The following EYA2 variants were observed in gnomAD, a reference collection of about 807,000 sequenced individuals.
The protein encoded by EYA2 is EYA transcriptional coactivator and phosphatase 2, also known as protein phosphatase EYA2.
Under a neutral mutation model 69.2 loss-of-function variants are expected in EYA2, and 31 were observed. The ratio of observed to expected loss-of-function variants is 0.45; its 90% CI spans 0.34 to 0.60. EYA2 has a LOEUF of 0.60. Ranked by LOEUF, EYA2 falls within the 20% of genes least tolerant of loss-of-function variation. EYA2 has a pLI of 0.02. For missense variants in EYA2, 622 were observed against 701.2 expected (o/e 0.89, Z 1.28); for synonymous variants, 257 against 279.4 (o/e 0.92, Z 0.80).
chr20:47,101,530 A>G (rs2032422883), intron 9 of EYA2, among the ~76,000 whole-genome samples: 1 of 152,244 alleles, frequency 6.6e-6, no homozygotes, highest in Admixed American at 6.5e-5. Context: ...TGTCATGGCC[A>G]GTTAAAATTT....
At chr20:47,126,596 T>G (rs1045416379) in intron 9 of EYA2, among the ~76,000 whole-genome samples, 10 of 152,168 alleles carry the variant, frequency 6.6e-5, no homozygotes, top group African/African-American at 2.2e-4. Context: ...TTCATTTAGT[T>G]CATCTCTTAG....
intron 15 of EYA2, among the ~76,000 whole-genome samples, chr20:47,184,644 A>G (rs181512432): frequency 6.6e-6 from 1 of 151,924 alleles, no homozygotes; most frequent in African/African-American, 2.4e-5. Context: ...GCTGGCCTCA[A>G]ACTCGTAAAC....
chr20:47,109,124 A>T (rs6063071), intron 9 of EYA2, among the ~76,000 whole-genome samples: 1 of 151,926 alleles, frequency 6.6e-6, no homozygotes, highest in Non-Finnish European at 1.5e-5. Flanking sequence ...CAAGCTGCAA[A>T]GATGCCCTGT....
chr20:47,056,548 G>A (rs1228402078), intron 5 of EYA2, among the ~76,000 whole-genome samples: 5 of 152,122 alleles, frequency 3.3e-5, no homozygotes, highest in African/African-American at 7.2e-5. Context: ...TGTATCCCAC[G>A]TCTCACAGAA....
chr20:47,005,397 C>T lies in EYA2; in HGVS notation c.298+313C>T, dbSNP rs117681834. Among the ~76,000 whole-genome samples, 427 of 152,278 alleles carry T rather than the reference C, an allele frequency of 2.8e-3. 1 individual carries two copies. In the Middle Eastern group the frequency reaches 0.034, roughly 12 times the overall value. On this transcript the variant is annotated intron_variant, in intron 4 of 15. Transcript: ENST00000327619. ...GTATGACTGGATCTAGGTGCTAAAGCGTCATCGTGAGGTGTAAGTCTCTTT... is the reference window on the plus strand; with the variant it reads ...GTATGACTGGATCTAGGTGCTAAAGTGTCATCGTGAGGTGTAAGTCTCTTT...
At chr20:47,051,492 T>A (rs2030330853) in intron 5 of EYA2, among the ~76,000 whole-genome samples, 1 of 152,224 alleles carries the variant, frequency 6.6e-6, no homozygotes. Flanking sequence ...TCCTGGGTTC[T>A]AATCCCAGTT....
intron 1 of EYA2, among the ~76,000 whole-genome samples, chr20:46,949,320 T>C (rs73305613): frequency 5.6e-4 from 85 of 152,216 alleles, no homozygotes; most frequent in African/African-American, 2.0e-3. Flanking sequence ...AACAGTGAGA[T>C]TGGGGAGTGG....
At chr20:47,118,244 C>A (rs1600721878) in intron 9 of EYA2, among the ~76,000 whole-genome samples, 1 of 152,378 alleles carries the variant, frequency 6.6e-6, no homozygotes, top group East Asian at 1.9e-4. Context: ...TTCCCCCTTC[C>A]CTCTCTCTTT....
intron 9 of EYA2, among the ~76,000 whole-genome samples, chr20:47,135,856 A>AAAAG: frequency 7.4e-6 from 1 of 134,984 alleles, no homozygotes; most frequent in South Asian, 2.3e-4. Flanking sequence ...CAAACAAACA[A>AAAAG]AAAACTAATT....
chr20:47,088,025 G>A (rs546671578), intron 7 of EYA2, among the ~76,000 whole-genome samples: 25 of 152,214 alleles, frequency 1.6e-4, no homozygotes, highest in Admixed American at 3.3e-4. Flanking sequence ...TCAGGAGTTC[G>A]AGACCAGCCT....
At chr20:46,956,061 C>G (rs1979106079) in intron 1 of EYA2, among the ~76,000 whole-genome samples, 1 of 152,196 alleles carries the variant, frequency 6.6e-6, no homozygotes, top group Non-Finnish European at 1.5e-5. Context: ...AACCCCTGAC[C>G]TTTTTGTCTT....
intron 9 of EYA2, among the ~76,000 whole-genome samples, chr20:47,121,459 A>G (rs946367877): frequency 6.6e-6 from 1 of 152,164 alleles, no homozygotes; most frequent in Non-Finnish European, 1.5e-5. Flanking sequence ...TATGGTCTTC[A>G]AGGAATTGAT....
Position 47,120,063 on chromosome 20 carries a change from C to T in EYA2, c.888+22895C>T, listed in dbSNP as rs186509850. Among the ~76,000 whole-genome samples, 87 of 152,214 alleles carry T rather than the reference C, an allele frequency of 5.7e-4. 2 individuals are homozygous for T. Among genetic ancestry groups the T allele is most frequent in the African/African-American group, 2.0e-3 (82 of 41,538 alleles). On this transcript the variant is annotated intron_variant, in intron 9 of 15. Transcript: ENST00000327619. The stretch of plus-strand genomic sequence containing the variant: ...CTATACTAAAAGTACAAAAATTAGC[C>T]GGGGCATGGTGGCACACACCTGTAG...
At chr20:47,169,488 A>G (rs1476356157) in intron 11 of EYA2, among the ~76,000 whole-genome samples, 3 of 152,154 alleles carry the variant, frequency 2.0e-5, no homozygotes, top group Admixed American at 6.5e-5. Context: ...CTCTACTATA[A>G]TAAATAAATG....
At chr20:47,153,713 G>A (rs1165390450) in intron 10 of EYA2, among the ~76,000 whole-genome samples, 3 of 151,838 alleles carry the variant, frequency 2.0e-5, no homozygotes, top group Admixed American at 6.5e-5. Context: ...GGCTAAATCC[G>A]TGAAGGTGCG....
chr20:47,138,099 C>G (rs1030162430), intron 9 of EYA2, among the ~76,000 whole-genome samples: 2 of 151,698 alleles, frequency 1.3e-5, no homozygotes, highest in Non-Finnish European at 2.9e-5. Context: ...TGTAACTAAC[C>G]TGCACATTGT....
intron 9 of EYA2, among the ~76,000 whole-genome samples, chr20:47,118,238 C>T (rs137882418): frequency 0.01 from 1,528 of 152,364 alleles, 8 homozygotes; most frequent in Non-Finnish European, 0.016. Context: ...TCTCTCTTCC[C>T]CCTTCCCTCT....
chr20:46,924,561 T>C (rs1015230951), intron 1 of EYA2, among the ~76,000 whole-genome samples: 4 of 150,690 alleles, frequency 2.7e-5, no homozygotes, highest in Non-Finnish European at 4.4e-5. Flanking sequence ...TCCCAGCTAC[T>C]CAGGAGGCTG....
intron 1 of EYA2, among the ~76,000 whole-genome samples, chr20:46,925,495 G>A (rs1985376363): frequency 6.6e-6 from 1 of 152,162 alleles, no homozygotes; most frequent in Admixed American, 6.5e-5. Context: ...TCAGAAAACA[G>A]TAACAATAAT....
Sources: allele counts gnomAD v4.1 joint callset (sites outside exome capture counted in the v4.1 genomes callset), GRCh38; gene constraint gnomAD v4.1.1; transcripts MANE v1.5; gene names NCBI Gene and HGNC (gene_info 2026-07-23, HGNC 2026-07-21).